The following NSF variants were observed in gnomAD, a reference collection of about 807,000 sequenced individuals.
NSF encodes the protein vesicle-fusing ATPase.
In NSF, 14 loss-of-function variants were observed where a neutral mutation model predicts 50.3. The observed-to-expected ratio is 0.28, with a 90% CI of 0.18 to 0.44. The LOEUF (loss-of-function observed/expected upper bound fraction) is 0.44. Among genes scored for constraint, NSF ranks in the 20% least tolerant of loss-of-function variants. NSF has a pLI of 1.00. For synonymous variants in NSF, 109 were observed against 175.7 expected (o/e 0.62, Z 3.00); for missense variants, 218 against 504.3 (o/e 0.43, Z 5.44).
intron 17 of NSF, among the ~76,000 whole-genome samples, chr17:46,746,496 C>T (rs776530780): frequency 1.3e-4 from 20 of 152,146 alleles, no homozygotes; most frequent in African/African-American, 3.4e-4. Flanking sequence ...AATCTTTTCC[C>T]GATAGCCCAT....
At chr17:46,722,010 C>T (rs1480355144) in intron 15 of NSF, 39 of 1,608,382 alleles carry the variant, frequency 2.4e-5, no homozygotes, top group Non-Finnish European at 3.1e-5. Flanking sequence ...CCACCACCAA[C>T]TTCAGTTTCC....
intron 18 of NSF, 66 bp from the exon 19 acceptor site, chr17:46,751,437 T>C: frequency 1.8e-6 from 2 of 1,120,668 alleles, no homozygotes; most frequent in Non-Finnish European, 2.7e-6. Context: ...TAAAGGTAAA[T>C]AGAATTAACC....
At chr17:46,726,411 A>G (rs930629088) in intron 15 of NSF, 138 bp from the exon 16 acceptor site, 23 of 785,262 alleles carry the variant, frequency 2.9e-5, no homozygotes, top group Admixed American at 1.2e-4. Context: ...CAGTGTGTCA[A>G]TTCTAATTTA....
chr17:46,749,669 G>T, intron 17 of NSF, 104 bp from the exon 18 acceptor site: 1 of 1,091,022 alleles, frequency 9.2e-7, no homozygotes, highest in African/African-American at 1.6e-5. Flanking sequence ...CATTTGCATC[G>T]GCAAGATTAA....
chr17:46,751,398 C>A, intron 18 of NSF, 105 bp from the exon 19 acceptor site: 1 of 776,154 alleles, frequency 1.3e-6, no homozygotes, highest in Non-Finnish European at 2.2e-6. Flanking sequence ...TCAACTTGAA[C>A]AGTTAGGTAG....
chr17:46,744,725 C>T (rs2059110574), intron 17 of NSF, among the ~76,000 whole-genome samples: 1 of 152,086 alleles, frequency 6.6e-6, no homozygotes, highest in East Asian at 1.9e-4. Context: ...CTGGTTGGTC[C>T]TTTGTGTGGC....
intron 14 of NSF, among the ~76,000 whole-genome samples, chr17:46,711,912 G>A (rs1390891458): frequency 6.6e-6 from 1 of 152,122 alleles, no homozygotes; most frequent in Non-Finnish European, 1.5e-5. Context: ...AAAGAGAAAG[G>A]GAGATTATCC....
Position 46,626,626 on chromosome 17 carries a change from A to C in NSF, c.112A>C (p.Arg38=). 5.0e-5 allele frequency: 1 copy of C among 20,014 alleles called. No individual in the cohort carries two copies. The highest frequency in any genetic ancestry group is 1.1e-3 in the East Asian group (1 of 912). The allele number at this position is 20,014 out of a possible 1,614,324, so 1.2% of individuals were successfully genotyped here. Residue 38 remains arginine (R), a synonymous_variant, in exon 3 of 21, where the codon AGG becomes CGG. Transcript: ENST00000398238. ...TCTGTCCTTTAGGCATGTGATTGTG[A>C]GGACCTCTCCCAATCACAGGTACAC... is the stretch of plus-strand genomic sequence containing the variant. The part of the protein sequence containing the change: ...DFQSGQHVIV[R]TSPNHRYTFT...
intron 17 of NSF, among the ~76,000 whole-genome samples, chr17:46,739,370 CAAAAAAAAA>C (rs1230180574): frequency 3.8e-5 from 2 of 53,192 alleles, no homozygotes; most frequent in Admixed American, 3.5e-4. Flanking sequence ...GACTCTGTCT[CAAAAAAAAA>C]AAAAAAAAAA....
At chr17:46,744,603 G>T (rs2059109505) in intron 17 of NSF, among the ~76,000 whole-genome samples, 1 of 150,912 alleles carries the variant, frequency 6.6e-6, no homozygotes, top group African/African-American at 2.4e-5. Flanking sequence ...TATTATATTA[G>T]TGGCATTTTT....
chr17:46,745,488 A>G (rs2059118986), intron 17 of NSF, among the ~76,000 whole-genome samples: 1 of 152,178 alleles, frequency 6.6e-6, no homozygotes, highest in Non-Finnish European at 1.5e-5. Context: ...CAATCTTTCA[A>G]CACTTTGAAG....
chr17:46,744,857 C>A (rs1598736022), intron 17 of NSF, among the ~76,000 whole-genome samples: 1 of 152,162 alleles, frequency 6.6e-6, no homozygotes, highest in East Asian at 1.9e-4. Context: ...ACCTGAGTTG[C>A]TGCTTATGGT....
At chr17:46,716,996 T>G (rs1261335812) in intron 15 of NSF, among the ~76,000 whole-genome samples, 1 of 152,208 alleles carries the variant, frequency 6.6e-6, no homozygotes, top group African/African-American at 2.4e-5. Flanking sequence ...GTTTCCAGGT[T>G]TTTTTCACAA....
At chr17:46,635,777 A>ATGTGTGTGTGTGTGTG (rs148930686) in intron 4 of NSF, among the ~76,000 whole-genome samples, 4,797 of 116,116 alleles carry the variant, frequency 0.041, 28 homozygotes, top group Non-Finnish European at 0.052. Context: ...GGGAAAATAA[A>ATGTGTGTGTGTGTGTG]TGTGTGTGTG....
chr17:46,747,282 T>C (rs1179683874), intron 17 of NSF, among the ~76,000 whole-genome samples: 1 of 152,180 alleles, frequency 6.6e-6, no homozygotes, highest in Non-Finnish European at 1.5e-5. Context: ...TCTATAATAT[T>C]CACAAGTTTG....
At chr17:46,714,670 T>A (rs2058751459) in intron 15 of NSF, among the ~76,000 whole-genome samples, 1 of 152,236 alleles carries the variant, frequency 6.6e-6, no homozygotes, top group Non-Finnish European at 1.5e-5. Flanking sequence ...ATGAAGACTT[T>A]AAATGGCTGT....
chr17:46,744,009 C>T (rs1007156013), intron 17 of NSF, among the ~76,000 whole-genome samples: 5 of 152,108 alleles, frequency 3.3e-5, no homozygotes, highest in African/African-American at 1.2e-4. Context: ...AGGGCCTTGC[C>T]AGTGCCTACT....
At chr17:46,621,061 G>A (rs1233944299) in intron 1 of NSF, among the ~76,000 whole-genome samples, 1 of 96,654 alleles carries the variant, frequency 1.0e-5, no homozygotes. Flanking sequence ...ATGCGCCACT[G>A]CATTCAATTC....
At chr17:46,621,365 C>A (rs1330468316) in intron 1 of NSF, among the ~76,000 whole-genome samples, 1 of 135,940 alleles carries the variant, frequency 7.4e-6, no homozygotes, top group East Asian at 2.1e-4. Flanking sequence ...CAGCTCACTG[C>A]AAGCTCCGCC....
Sources: gnomAD v4.1 joint callset for allele counts (sites outside exome capture counted in the v4.1 genomes callset) on GRCh38, gnomAD v4.1.1 for gene constraint, MANE v1.5 for transcripts, NCBI Gene and HGNC (gene_info 2026-07-23, HGNC 2026-07-21) for gene names.